Variants in SLC46A3 observed in about 807,000 individuals in gnomAD.
The protein encoded by SLC46A3 is lysosomal proton-coupled steroid conjugate and bile acid symporter SLC46A3.
In SLC46A3, 26 loss-of-function variants were observed where a neutral mutation model predicts 38.5. That is an observed-to-expected ratio of 0.68 (90% CI 0.49 to 0.94). The LOEUF (loss-of-function observed/expected upper bound fraction) is 0.94. Ranked by LOEUF, SLC46A3 falls within the 40% of genes least tolerant of loss-of-function variation. The pLI, the probability that SLC46A3 is intolerant of heterozygous loss-of-function variation, is 0.00. For missense variants in SLC46A3, 510 were observed against 544.3 expected (o/e 0.94, Z 0.63); for synonymous variants, 185 against 192.5 (o/e 0.96, Z 0.32).
Position 28,701,496 on chromosome 13 carries a change from G to A in SLC46A3, c.*1C>T. On this transcript the variant is annotated 3_prime_UTR_variant, in exon 6 of 6. Coordinates refer to ENST00000266943, the MANE Select transcript of SLC46A3 (RefSeq NM_181785.4). ...ATTTTTTTTGTTTGTTTAAATCACA[G>A]TCACCTGTCTGAAGCATCTTCACTG... is the stretch of plus-strand genomic sequence containing the variant. The A allele has an allele frequency of 6.2e-7, 1 of 1,611,324 alleles. No homozygotes were observed. The highest frequency in any genetic ancestry group is 8.5e-7 in the Non-Finnish European group (1 of 1,178,954).
At chr13:28,708,214 G>A (rs749467218) in intron 4 of SLC46A3, among the ~76,000 whole-genome samples, 7 of 152,140 alleles carry the variant, frequency 4.6e-5, no homozygotes, top group Non-Finnish European at 2.9e-5. Flanking sequence ...GAGTCATAAG[G>A]CAACTAACTT....
intron 4 of SLC46A3, among the ~76,000 whole-genome samples, chr13:28,706,620 C>T (rs1048488973): frequency 2.0e-5 from 3 of 152,024 alleles, no homozygotes; most frequent in Admixed American, 2.0e-4. Flanking sequence ...CTCTGTTGCC[C>T]ACACTGCTTT....
intron 4 of SLC46A3, among the ~76,000 whole-genome samples, chr13:28,707,482 C>T (rs1197210403): frequency 6.6e-6 from 1 of 151,516 alleles, no homozygotes; most frequent in Non-Finnish European, 1.5e-5. Flanking sequence ...GGGTGCGGCA[C>T]ACCAACATGG....
At chr13:28,713,639 T>G (rs1277018549) in intron 2 of SLC46A3, 89 bp from the exon 3 acceptor site, 1 of 1,304,072 alleles carries the variant, frequency 7.7e-7, no homozygotes, top group Non-Finnish European at 1.1e-6. Context: ...TTTTTCCCTG[T>G]GGCCAGTAGG....
chr13:28,701,514 C>T lies in SLC46A3; in HGVS notation c.1369G>A (p.Asp457Asn). 6.2e-7 allele frequency: 1 copy of T among 1,613,204 alleles called. No homozygotes were observed. Among genetic ancestry groups the T allele is most frequent in the African/African-American group, 1.3e-5 (1 of 74,998 alleles). ...ELLIQEESSE[D>N]ASDR ...AATCACAGTCACCTGTCTGAAGCAT[C>T]TTCACTGGATTCTTCTTGTATAAGA... Residue 457 changes from aspartate to asparagine, a missense_variant, in exon 6 of 6, where the codon GAT becomes AAT. Coordinates refer to ENST00000266943, the MANE Select transcript of SLC46A3 (RefSeq NM_181785.4).
At chr13:28,705,721 T>G (rs887539767) in intron 4 of SLC46A3, among the ~76,000 whole-genome samples, 20 of 152,222 alleles carry the variant, frequency 1.3e-4, no homozygotes, top group African/African-American at 4.8e-4. Flanking sequence ...TCAAGTAGCA[T>G]GCAGACTTAC....
rs1322198755 is a variant in SLC46A3 at position 28,717,484 on chromosome 13, A to AATTTTTTTTTTTTTTTTTT, written c.189+325_189+326insAAAAAAAAAAAAAAAAAAT. 8.6e-3 allele frequency among the ~76,000 whole-genome samples: 809 copies of AATTTTTTTTTTTTTTTTTT among 93,766 alleles called. 141 individuals are homozygous for AATTTTTTTTTTTTTTTTTT. The highest frequency in any genetic ancestry group is 0.014 in the Admixed American group (94 of 6,690). 61.5% of individuals were successfully genotyped at this position (93,766 alleles called of 152,430 possible). A position where few individuals can be genotyped will look rare whatever the true frequency, so the allele number is the denominator to read the frequency against. ...CAGCCTGCCCTGCCCCAATTTTCAG[A>AATTTTTTTTTTTTTTTTTT]CTTTTTTTTTTTTTTTTTTTTTTTT... On this transcript the variant is annotated intron_variant, in intron 2 of 5. Transcript: ENST00000266943.
intron 2 of SLC46A3, among the ~76,000 whole-genome samples, chr13:28,717,210 G>T (rs538429524): frequency 3.4e-4 from 52 of 152,138 alleles, no homozygotes; most frequent in African/African-American, 1.2e-3. Flanking sequence ...CCCCACTCCA[G>T]ATGTCCCCAC....
At chr13:28,715,828 A>G (rs1439984651) in intron 2 of SLC46A3, among the ~76,000 whole-genome samples, 1 of 152,128 alleles carries the variant, frequency 6.6e-6, no homozygotes, top group African/African-American at 2.4e-5. Flanking sequence ...AATATGTACA[A>G]TGATTATCTG....
At chr13:28,714,157 A>AAAT (rs1555260404) in intron 2 of SLC46A3, among the ~76,000 whole-genome samples, 10,851 of 142,782 alleles carry the variant, frequency 0.076, 716 homozygotes, top group East Asian at 0.32. Context: ...AAAAAAAAAA[A>AAAT]AACCTTTATT....
intron 2 of SLC46A3, among the ~76,000 whole-genome samples, chr13:28,717,140 G>T (rs1885548588): frequency 6.6e-6 from 1 of 152,166 alleles, no homozygotes; most frequent in South Asian, 2.1e-4. Context: ...TTGCTGGAGA[G>T]GGAGGAAGAA....
In SLC46A3 at chr13:28,713,157, C is replaced by A; in HGVS notation, c.583G>T (p.Gly195Cys). 6.2e-7 allele frequency: 1 copy of A among 1,614,028 alleles called. No individual in the cohort carries two copies. The highest frequency in any genetic ancestry group is 1.1e-5 in the South Asian group (1 of 91,060). Residue 195 changes from glycine to cysteine, a missense_variant, in exon 3 of 6, where the codon GGT becomes TGT. Gly to Cys is a radical substitution (Grantham distance 159). Transcript: ENST00000266943. ...ATAATTAGAAACGACCACTCAAAAC[C>A]TAGCTCTCTAATAAAATAGCCAGAT... ...LSSGYFIRELGFEWSFLIIAV... is the reference protein window; with the variant it reads ...LSSGYFIRELCFEWSFLIIAV...
rs953771260 is a variant in SLC46A3 at position 28,710,807 on chromosome 13, G to A, written c.1097C>T (p.Ser366Phe). 1 of 1,613,970 alleles carries A rather than the reference G, an allele frequency of 6.2e-7. No homozygotes were observed. The highest frequency in any genetic ancestry group is 1.7e-5 in the Admixed American group (1 of 59,988). Residue 366 changes from serine to phenylalanine, a missense_variant, in exon 4 of 6, where the codon TCT (serine) becomes TTT (phenylalanine). Coordinates refer to ENST00000266943, the MANE Select transcript of SLC46A3 (RefSeq NM_181785.4). ...VPFLFTIVPF[S>F]VLRSMLSKVV... ...TTTTGACAACATGGACCGTAGAACA[G>A]AGAATGGCACAATAGTGAAAAGGAA...
At chr13:28,710,690 A>G (rs564953787) in intron 4 of SLC46A3, 70 bp downstream of exon 4, 1 of 1,160,362 alleles carries the variant, frequency 8.6e-7, no homozygotes, top group South Asian at 1.3e-5. Context: ...GAAGCATTAA[A>G]CATTGATTGT....
chr13:28,708,614 CT>C (rs71190788), intron 4 of SLC46A3, among the ~76,000 whole-genome samples: 141 of 128,240 alleles, frequency 1.1e-3, no homozygotes, highest in East Asian at 2.4e-3. Context: ...TTTTTCTTTT[CT>C]TTTTTTTTTT....
chr13:28,705,000 C>A (rs1885135792), intron 4 of SLC46A3, among the ~76,000 whole-genome samples: 1 of 152,186 alleles, frequency 6.6e-6, no homozygotes, highest in African/African-American at 2.4e-5. Flanking sequence ...TGTCTGGAAT[C>A]CAAGACCATG....
chr13:28,711,033 T>C (rs1438309498), intron 3 of SLC46A3, among the ~76,000 whole-genome samples, 190 bp from the exon 4 acceptor site: 4 of 152,188 alleles, frequency 2.6e-5, no homozygotes, highest in Admixed American at 1.3e-4. Context: ...GACAGGTCAG[T>C]TTAAGGTTAC....
chr13:28,716,896 C>A (rs1157362413), intron 2 of SLC46A3, among the ~76,000 whole-genome samples: 2 of 151,928 alleles, frequency 1.3e-5, no homozygotes, highest in Admixed American at 6.6e-5. Flanking sequence ...TCATCTTTCA[C>A]TGGGAAGGCA....
Position 28,713,070 on chromosome 13 carries a change from CTT to C in SLC46A3, c.668_669del (p.Lys223ArgfsTer12). ...YILFFLGDPV[K>X]ECSSQNVTMS... ...ATAGTAACATTCTGAGATGAACACT[CTT>C]TCACTGGATCTCCGAGAAAAAATAA... is the stretch of plus-strand genomic sequence containing the variant. On this transcript the variant is annotated frameshift_variant, in exon 3 of 6. Coordinates refer to ENST00000266943, the MANE Select transcript of SLC46A3 (RefSeq NM_181785.4). LOFTEE classifies it high-confidence loss of function. The C allele has an allele frequency of 6.2e-7, 1 of 1,611,280 alleles. No homozygotes were observed.
Sources: gnomAD v4.1 joint callset for allele counts (sites outside exome capture counted in the v4.1 genomes callset) on GRCh38, gnomAD v4.1.1 for gene constraint, MANE v1.5 for transcripts, NCBI Gene and HGNC (gene_info 2026-07-23, HGNC 2026-07-21) for gene names.